The following DGKZ variants were observed in gnomAD, a reference collection of about 807,000 sequenced individuals.
The protein encoded by DGKZ is diacylglycerol kinase zeta.
In DGKZ, 45 loss-of-function variants were observed where a neutral mutation model predicts 142.5. The ratio of observed to expected loss-of-function variants is 0.32; its 90% CI spans 0.25 to 0.40. The LOEUF is 0.40. DGKZ is among the 10% of genes least tolerant of loss of function. DGKZ has a pLI of 1.00. For synonymous variants in DGKZ, 442 were observed against 527.0 expected (o/e 0.84, Z 2.21); for missense variants, 755 against 1,306.5 (o/e 0.58, Z 6.51).
exon 18 of DGKZ, chr11:46,374,815 G>A (rs2136498930): frequency 6.2e-7 from 1 of 1,601,952 alleles, no homozygotes; most frequent in South Asian, 1.1e-5. Flanking sequence ...AAACCCCAGT[G>A]TGTTGTTTTC....
At chr11:46,337,940 A>G (rs1940092498) in intron 1 of DGKZ, among the ~76,000 whole-genome samples, 1 of 152,160 alleles carries the variant, frequency 6.6e-6, no homozygotes, top group African/African-American at 2.4e-5. Flanking sequence ...TGGGCCAAGC[A>G]TTACCTGAGA....
rs201107559 is a variant in DGKZ, at chr11:46,375,823, G to A, written c.1911-28G>A. 3.9e-4 allele frequency: 600 copies of A among 1,548,868 alleles called. 4 individuals are homozygous for A. In the African/African-American group the frequency reaches 7.5e-3, roughly 19 times the overall value. ...GGCACCAAGGCAGGGCCCTTGCTGA[G>A]CCCCCGCTTGCCGGCCCTGCCCGAC... On this transcript the variant is annotated intron_variant, in intron 20 of 30. Coordinates refer to ENST00000527911, the Ensembl canonical transcript of DGKZ.
intron 1 of DGKZ, among the ~76,000 whole-genome samples, chr11:46,351,777 A>G (rs1267244365): frequency 6.6e-6 from 1 of 152,190 alleles, no homozygotes; most frequent in African/African-American, 2.4e-5. Flanking sequence ...TGCTCCCCAC[A>G]CAAGGTCAGG....
chr11:46,333,058 C>T (rs1221758035), exon 1 of DGKZ: 13 of 370,296 alleles, frequency 3.5e-5, no homozygotes, highest in Non-Finnish European at 5.6e-5. Flanking sequence ...AGCCCCCGCC[C>T]CCCCGGAGCG....
intron 1 of DGKZ, among the ~76,000 whole-genome samples, chr11:46,356,441 C>G (rs1339468071): frequency 6.6e-6 from 1 of 152,174 alleles, no homozygotes; most frequent in Non-Finnish European, 1.5e-5. Context: ...CCCAGCACTT[C>G]TACACTCTGG....
intron 1 of DGKZ, chr11:46,366,865 AG>A (rs1943360296): frequency 6.5e-7 from 1 of 1,546,926 alleles, no homozygotes; most frequent in African/African-American, 1.4e-5. Context: ...GGGGCCGAAG[AG>A]CCTCAGGCAC....
exon 14 of DGKZ, chr11:46,373,058 C>G: frequency 1.3e-6 from 2 of 1,544,372 alleles, no homozygotes; most frequent in Non-Finnish European, 1.7e-6. Flanking sequence ...GAGCCCAACC[C>G]CGAGGCAGGG....
intron 1 of DGKZ, among the ~76,000 whole-genome samples, chr11:46,342,238 T>C (rs1273363271): frequency 6.6e-6 from 1 of 152,078 alleles, no homozygotes; most frequent in East Asian, 1.9e-4. Context: ...TCCTCCATAG[T>C]CCCATGCACC....
intron 14 of DGKZ, among the ~76,000 whole-genome samples, 184 bp downstream of exon 14, chr11:46,373,285 GTTT>G (rs961769830): frequency 8.7e-6 from 1 of 115,372 alleles, no homozygotes; most frequent in Admixed American, 8.7e-5. Flanking sequence ...TTTTTTTTTT[GTTT>G]TTTTTTTTTT....
chr11:46,341,138 G>C (rs996457701), intron 1 of DGKZ, among the ~76,000 whole-genome samples: 1 of 152,138 alleles, frequency 6.6e-6, no homozygotes, highest in Admixed American at 6.5e-5. Context: ...ACAGAGCAAG[G>C]CTCTGTCTCC....
intron 1 of DGKZ, chr11:46,365,789 C>A: frequency 3.0e-6 from 3 of 985,422 alleles, no homozygotes; most frequent in Non-Finnish European, 3.6e-6. Context: ...AAGTGGGAAG[C>A]CCTGCCCTGG....
chr11:46,378,855 G>A, intron 27 of DGKZ, 136 bp from the exon 28 acceptor site: 1 of 1,371,052 alleles, frequency 7.3e-7, no homozygotes, highest in Non-Finnish European at 9.7e-7. Context: ...ACCCACAGAG[G>A]CAACTCAGGA....
chr11:46,379,062 C>T lies in DGKZ; in HGVS notation c.2490C>T (p.His830=), dbSNP rs772872206. 1.7e-5 allele frequency: 28 copies of T among 1,600,240 alleles called. No individual in the cohort carries two copies. The South Asian group carries it at 2.0e-4, about 11-fold the overall frequency. The change falls in exon 28 of 31, where the codon CAC becomes CAT. Residue 830 remains histidine (H), a synonymous_variant. Transcript: ENST00000527911. ...AGCAGAGTCGCACGCTCCTGCACCA[C>T]GCAGTCAGCACTGGCAGCAAGGATG...
At chr11:46,348,859 C>T (rs946036627) in intron 1 of DGKZ, among the ~76,000 whole-genome samples, 16 of 152,176 alleles carry the variant, frequency 1.1e-4, no homozygotes, top group Admixed American at 5.2e-4. Flanking sequence ...GCCAATCAGC[C>T]AAGGACCCCA....
rs372859164 is a variant in DGKZ at position 46,379,093 on chromosome 11, C to T, written c.2521C>T (p.Arg841Cys). 1.1e-4 allele frequency: 169 copies of T among 1,605,426 alleles called. No homozygotes were observed. Among genetic ancestry groups the T allele is most frequent in the Non-Finnish European group, 1.3e-4 (157 of 1,178,944 alleles). Residue 841 changes from arginine to cysteine, a missense_variant, in exon 28 of 31, where the codon CGC becomes TGC. Around this residue, in one of 8 missense-constraint regions of DGKZ, gnomAD observed 87 missense variants for 112.2 expected, o/e 0.78. Transcript: ENST00000527911. ...CAGCACTGGCAGCAAGGATGTGGTC[C>T]GCTACCTGCTGGACCACGGTGAGCC...
intron 25 of DGKZ, chr11:46,377,703 A>G: frequency 4.8e-6 from 1 of 207,258 alleles, no homozygotes; most frequent in East Asian, 1.5e-4. Context: ...CTGGGCTCCC[A>G]GCCCCCTCCC....
At chr11:46,338,328 T>TC (rs1940110186) in intron 1 of DGKZ, among the ~76,000 whole-genome samples, 1 of 151,678 alleles carries the variant, frequency 6.6e-6, no homozygotes, top group Non-Finnish European at 1.5e-5. Flanking sequence ...AAATCCCACC[T>TC]CTACTAAAAA....
chr11:46,378,613 G>T, intron 27 of DGKZ, 113 bp downstream of exon 27: 1 of 1,408,684 alleles, frequency 7.1e-7, no homozygotes, highest in East Asian at 2.3e-5. Flanking sequence ...ATCTGTCATC[G>T]TCTGGCCCTC....
upstream of DGKZ, among the ~76,000 whole-genome samples, chr11:46,346,201 T>G (rs1340167600): frequency 6.6e-6 from 1 of 152,164 alleles, no homozygotes; most frequent in East Asian, 1.9e-4. Flanking sequence ...AAGCATTGGC[T>G]ATTTGCGGCT....
Sources: gnomAD v4.1 joint callset for allele counts (sites outside exome capture counted in the v4.1 genomes callset) on GRCh38, gnomAD v4.1.1 for gene constraint, gnomAD v4.1.1 regional missense constraint, MANE v1.5 for transcripts, NCBI Gene and HGNC (gene_info 2026-07-23, HGNC 2026-07-21) for gene names.